VAV3: variants seen among roughly 807,000 people sequenced by gnomAD.
The protein encoded by VAV3 is guanine nucleotide exchange factor VAV3.
In VAV3, 94 loss-of-function variants were observed where a neutral mutation model predicts 131.2. That is an observed-to-expected ratio of 0.72 (90% CI 0.61 to 0.85). VAV3 has a LOEUF of 0.85. VAV3 is among the 40% of genes least tolerant of loss of function. VAV3 has a pLI of 0.00. For missense variants in VAV3, 939 were observed against 1,002.7 expected, an observed-to-expected ratio of 0.94 and a Z score of 0.86; for synonymous variants, 349 against 342.0, an observed-to-expected ratio of 1.02 and a Z score of -0.22.
At chr1:107,951,790 G>C (rs1374578148) in intron 1 of VAV3, among the ~76,000 whole-genome samples, 5 of 149,706 alleles carry the variant, frequency 3.3e-5, no homozygotes, top group Non-Finnish European at 7.4e-5. Context: ...ATATCAGTCA[G>C]AATGGCTATT....
intron 19 of VAV3, among the ~76,000 whole-genome samples, chr1:107,675,280 A>G (rs1658117728): frequency 6.6e-6 from 1 of 152,344 alleles, no homozygotes; most frequent in South Asian, 2.1e-4. Flanking sequence ...AGCACTTAGT[A>G]TGTGCTAAAC....
chr1:107,952,487 C>CATATATATATAT (rs1173992663), intron 1 of VAV3, among the ~76,000 whole-genome samples: 2 of 133,478 alleles, frequency 1.5e-5, no homozygotes, highest in South Asian at 2.2e-4. Flanking sequence ...TATATATATA[C>CATATATATATAT]ACACATAAAT....
intron 1 of VAV3, among the ~76,000 whole-genome samples, chr1:107,878,091 A>G (rs914779653): frequency 6.6e-6 from 1 of 152,170 alleles, no homozygotes; most frequent in Non-Finnish European, 1.5e-5. Context: ...TGAACATTCC[A>G]TCTACATGCA....
intron 2 of VAV3, among the ~76,000 whole-genome samples, chr1:107,783,821 G>A (rs1437456680): frequency 6.6e-6 from 1 of 151,782 alleles, no homozygotes; most frequent in Non-Finnish European, 1.5e-5. Flanking sequence ...GGCTGAGGCG[G>A]GCAGATCACG....
At chr1:107,869,444 A>C (rs781437327) in intron 2 of VAV3, among the ~76,000 whole-genome samples, 2 of 152,196 alleles carry the variant, frequency 1.3e-5, no homozygotes, top group African/African-American at 2.4e-5. Flanking sequence ...TAACATTAAC[A>C]ATAAGAGTAC....
chr1:107,775,984 T>G (rs1198931599), intron 4 of VAV3, among the ~76,000 whole-genome samples: 9 of 152,214 alleles, frequency 5.9e-5, no homozygotes, highest in Admixed American at 5.9e-4. Flanking sequence ...ATCCAAAGAC[T>G]ACAATTTACT....
intron 2 of VAV3, among the ~76,000 whole-genome samples, chr1:107,833,917 T>C (rs988553156): frequency 5.3e-5 from 8 of 152,228 alleles, no homozygotes; most frequent in Admixed American, 5.2e-4. Context: ...CTTACTCGCA[T>C]GCAATTTTGT....
At chr1:107,647,959 A>G (rs4915063) in intron 19 of VAV3, among the ~76,000 whole-genome samples, 55,747 of 151,866 alleles carry the variant, frequency 0.37, 11,325 homozygotes, top group East Asian at 0.61. Context: ...CTTTCTAAGA[A>G]AGCATGACTT....
At chr1:107,840,082 G>T (rs554657366) in intron 2 of VAV3, among the ~76,000 whole-genome samples, 1 of 152,170 alleles carries the variant, frequency 6.6e-6, no homozygotes, top group South Asian at 2.1e-4. Context: ...TCTACCAAAC[G>T]TTCAAGGAAA....
chr1:107,888,562 G>A (rs1003906770), intron 1 of VAV3, among the ~76,000 whole-genome samples: 1 of 152,116 alleles, frequency 6.6e-6, no homozygotes, highest in Admixed American at 6.5e-5. Context: ...AGGTTCATGC[G>A]ATTCTCCTGC....
At chr1:107,935,389 C>A (rs1673656859) in intron 1 of VAV3, among the ~76,000 whole-genome samples, 1 of 152,100 alleles carries the variant, frequency 6.6e-6, no homozygotes, top group Non-Finnish European at 1.5e-5. Context: ...ATATATAATT[C>A]TCCAGGAAGA....
intron 15 of VAV3, among the ~76,000 whole-genome samples, chr1:107,724,213 G>A (rs1023207710): frequency 2.6e-5 from 4 of 151,728 alleles, no homozygotes; most frequent in African/African-American, 9.7e-5. Context: ...CTCCGTCTCA[G>A]CCCCAAACAG....
intron 25 of VAV3, among the ~76,000 whole-genome samples, chr1:107,591,039 T>G (rs1650909177): frequency 6.6e-6 from 1 of 152,200 alleles, no homozygotes; most frequent in Non-Finnish European, 1.5e-5. Flanking sequence ...ACATTGGTCC[T>G]TTTTCAGTTC....
intron 25 of VAV3, among the ~76,000 whole-genome samples, chr1:107,575,017 ACACGCGCGCGTG>A (rs1649538262): frequency 2.7e-4 from 4 of 15,090 alleles, no homozygotes; most frequent in South Asian, 2.6e-3. Context: ...GCGCGCGCGC[ACACGCGCGCGTG>A]TTTAATATTC....
At chr1:107,958,627 TA>T (rs572833519) in intron 1 of VAV3, among the ~76,000 whole-genome samples, 23 of 132,676 alleles carry the variant, frequency 1.7e-4, no homozygotes, top group Non-Finnish European at 2.7e-4. Flanking sequence ...AAATTTTACT[TA>T]TTTTTTTTTA....
At chr1:107,910,134 G>A (rs778683771) in intron 1 of VAV3, among the ~76,000 whole-genome samples, 4 of 152,076 alleles carry the variant, frequency 2.6e-5, no homozygotes, top group African/African-American at 4.8e-5. Context: ...AACTTGAAGA[G>A]GTTATTCTGA....
chr1:107,789,914 C>T (rs928092326), intron 2 of VAV3, among the ~76,000 whole-genome samples: 1 of 152,176 alleles, frequency 6.6e-6, no homozygotes, highest in Non-Finnish European at 1.5e-5. Context: ...CTAGCCACAA[C>T]CTGAGTGCTC....
At chr1:107,941,733 T>C (rs1674005721) in intron 1 of VAV3, among the ~76,000 whole-genome samples, 1 of 152,232 alleles carries the variant, frequency 6.6e-6, no homozygotes, top group African/African-American at 2.4e-5. Context: ...GAGCTATCAC[T>C]GTTGGGTAGA....
intron 1 of VAV3, among the ~76,000 whole-genome samples, chr1:107,918,998 C>T (rs1259875862): frequency 2.0e-5 from 3 of 152,018 alleles, no homozygotes; most frequent in African/African-American, 4.8e-5. Flanking sequence ...CGAGCCACCC[C>T]GCTGGACCAA....
Sources: gnomAD v4.1 joint callset for allele counts (sites outside exome capture counted in the v4.1 genomes callset) on GRCh38, gnomAD v4.1.1 for gene constraint, MANE v1.5 for transcripts, NCBI Gene and HGNC (gene_info 2026-07-23, HGNC 2026-07-21) for gene names.